Variants in PKHD1 observed in about 807,000 individuals in gnomAD.
PKHD1 encodes fibrocystin.
Under a neutral mutation model 412.0 loss-of-function variants are expected in PKHD1, and 291 were observed. That is an observed-to-expected ratio of 0.71 (90% CI 0.64 to 0.78). The LOEUF is 0.78. PKHD1 is among the 30% of genes least tolerant of loss of function. PKHD1 has a pLI of 0.00. For synonymous variants in PKHD1, 1,777 were observed against 1,821.5 expected (o/e 0.98, Z 0.62); for missense variants, 4,825 against 4,950.7 (o/e 0.97, Z 0.76).
At chr6:51,941,119 C>T (rs1418026444) in intron 36 of PKHD1, among the ~76,000 whole-genome samples, 2 of 151,268 alleles carry the variant, frequency 1.3e-5, no homozygotes, top group African/African-American at 4.8e-5. Context: ...TGATCATGCA[C>T]CCTTTACCAT....
rs1046218226 is a variant in PKHD1, at chr6:51,789,639, T to C, written c.8440+1597A>G. Among the ~76,000 whole-genome samples, 4 of 152,126 alleles carry C rather than the reference T, an allele frequency of 2.6e-5. No homozygotes were observed. The South Asian group carries it at 6.2e-4, about 24-fold the overall frequency. ...TATTAATTGTGGTTATATTTGCACT[T>C]GGAAATATTTGCACTTGGAAACTTT... On this transcript the variant is annotated intron_variant, in intron 53 of 66. Coordinates refer to ENST00000371117, the MANE Select transcript of PKHD1 (RefSeq NM_138694.4).
chr6:51,638,849 C>G lies in PKHD1; in HGVS notation c.11506G>C (p.Gly3836Arg). ...HFIFTVTSPPGVNFTARSKPF... is the reference protein window; with the variant it reads ...HFIFTVTSPPRVNFTARSKPF... The stretch of plus-strand genomic sequence containing the variant: ...ATAAAAGCACACTGTATAAAATTAC[C>G]TGGAGGAGAAGTGACAGTAAAAATA... The change falls in exon 64 of 67, where the codon GGA becomes CGA. Residue 3836 changes from glycine (G) to arginine (R), a missense_variant and splice_region_variant. Transcript: ENST00000371117. 1 of 1,547,780 alleles carries G rather than the reference C, an allele frequency of 6.5e-7. No homozygotes were observed. The highest frequency in any genetic ancestry group is 2.3e-5 in the East Asian group (1 of 44,380).
chr6:52,058,591 G>A lies in PKHD1; in HGVS notation c.1244C>T (p.Ala415Val). 1 of 1,613,948 alleles carries A rather than the reference G, an allele frequency of 6.2e-7. No individual in the cohort carries two copies. The part of the protein sequence containing the change: ...SEEPRTKVKV[A>V]SISVGTADWF... The stretch of plus-strand genomic sequence containing the variant: ...GTCAGCAGTGCCGACGCTGATGGAG[G>A]CCACTTTCACCTATGCCCAAATAAG... Residue 415 changes from alanine (A) to valine (V), a missense_variant, in exon 16 of 67, where the codon GCC (alanine) becomes GTC (valine). Physicochemically the swap from Ala to Val is moderately conservative, Grantham distance 64. Coordinates refer to ENST00000371117, the MANE Select transcript of PKHD1 (RefSeq NM_138694.4).
At chr6:51,851,695 T>C (rs146580528) in intron 49 of PKHD1, among the ~76,000 whole-genome samples, 1 of 152,236 alleles carries the variant, frequency 6.6e-6, no homozygotes, top group Non-Finnish European at 1.5e-5. Flanking sequence ...TTTATTTGCA[T>C]AGACATGTTT....
intron 53 of PKHD1, among the ~76,000 whole-genome samples, chr6:51,781,923 G>A (rs1004152958): frequency 2.0e-5 from 3 of 150,724 alleles, no homozygotes; most frequent in African/African-American, 7.3e-5. Context: ...AAAACACAAA[G>A]TTTACCTTAA....
At chr6:51,637,950 T>A (rs575371594) in intron 64 of PKHD1, among the ~76,000 whole-genome samples, 1 of 152,204 alleles carries the variant, frequency 6.6e-6, no homozygotes, top group South Asian at 2.1e-4. Flanking sequence ...GGAAAAATGA[T>A]TATGATTACA....
Position 51,870,624 on chromosome 6 carries a change from A to T in PKHD1, c.7366T>A (p.Ser2456Thr). 1 of 1,609,666 alleles carries T rather than the reference A, an allele frequency of 6.2e-7. No individual in the cohort carries two copies. Among genetic ancestry groups the T allele is most frequent in the South Asian group, 1.1e-5 (1 of 90,954 alleles). Residue 2456 changes from serine to threonine, a missense_variant, in exon 47 of 67, where the codon TCA becomes ACA. Ser to Thr is a moderately conservative substitution (Grantham distance 58). Coordinates refer to ENST00000371117, the MANE Select transcript of PKHD1 (RefSeq NM_138694.4). ...CTTTTAGGAGTTTTAATCCCAGATG[A>T]CATACACAGACTTCCCTGTGATTTA... ...HFAHKGSLCM[S>T]SGIKTPKRWE...
intron 52 of PKHD1, among the ~76,000 whole-genome samples, chr6:51,811,803 TA>T (rs1048103436): frequency 2.6e-5 from 4 of 152,146 alleles, no homozygotes; most frequent in African/African-American, 2.4e-5. Context: ...TACACATATT[TA>T]AAAAAATGTA....
chr6:51,997,048 A>G (rs542773481), intron 35 of PKHD1, among the ~76,000 whole-genome samples: 1 of 152,364 alleles, frequency 6.6e-6, no homozygotes, highest in East Asian at 1.9e-4. Flanking sequence ...CTCAAGTTGG[A>G]TCAATGAGTC....
chr6:52,056,689 G>A lies in PKHD1; in HGVS notation c.1693+9C>T, dbSNP rs753648991. 2.3e-5 allele frequency: 37 copies of A among 1,599,980 alleles called. No individual in the cohort carries two copies. The highest frequency in any genetic ancestry group is 1.6e-4 in the Middle Eastern group (1 of 6,068). On this transcript the variant is annotated intron_variant, in intron 18 of 66. Transcript: ENST00000371117. Reference sequence around the variant, plus strand: ...AAAAAGACAATCAGAATGAAGCCACGGACAGCACCTCGTTCAAATCCAAGC... The same window carrying A: ...AAAAAGACAATCAGAATGAAGCCACAGACAGCACCTCGTTCAAATCCAAGC...
In PKHD1 at chr6:51,883,691, A is replaced by G. The variant is rs113468455; in HGVS notation, c.7216-464T>C. On this transcript the variant is annotated intron_variant, in intron 45 of 66. Transcript: ENST00000371117. ...ATTTCAACATAAGTTATGTACATAT[A>G]TGTTTATGATAACCCAAACAGGGGT... 7.1e-3 allele frequency among the ~76,000 whole-genome samples: 1,082 copies of G among 152,342 alleles called. 16 individuals carry two copies. Among genetic ancestry groups the G allele is most frequent in the African/African-American group, 0.025 (1,034 of 41,576 alleles).
chr6:52,022,786 G>A lies in PKHD1; in HGVS notation c.5380+15C>T. The A allele has an allele frequency of 1.9e-6, 3 of 1,612,478 alleles. No homozygotes were observed. Among genetic ancestry groups the A allele is most frequent in the Non-Finnish European group, 2.5e-6 (3 of 1,178,694 alleles). On this transcript the variant is annotated intron_variant, in intron 33 of 66. Coordinates refer to ENST00000371117, the MANE Select transcript of PKHD1 (RefSeq NM_138694.4). ...TATATGCTTTAAAATATATGTGTGT[G>A]GCATCTTTACTCACCATCCAGGGGC...
chr6:51,925,898 T>G (rs536368294), intron 37 of PKHD1, among the ~76,000 whole-genome samples: 50 of 152,130 alleles, frequency 3.3e-4, no homozygotes, highest in African/African-American at 1.1e-3. Flanking sequence ...TTGCTCAAGT[T>G]TTTCATTCAC....
chr6:51,975,844 C>A (rs1451572981), intron 35 of PKHD1: 1 of 151,138 alleles, frequency 6.6e-6, no homozygotes, highest in Non-Finnish European at 1.5e-5. Context: ...GATGAATCGA[C>A]CCAGGTTGGA....
intron 53 of PKHD1, among the ~76,000 whole-genome samples, chr6:51,789,829 C>T (rs1040626323): frequency 1.3e-5 from 2 of 152,034 alleles, no homozygotes; most frequent in African/African-American, 4.8e-5. Context: ...GAATGAAGGG[C>T]TATAGAATTA....
intron 52 of PKHD1, among the ~76,000 whole-genome samples, chr6:51,818,016 T>C (rs1187969425): frequency 6.6e-6 from 1 of 152,166 alleles, no homozygotes; most frequent in African/African-American, 2.4e-5. Context: ...AGCAATGTTT[T>C]TTATCCAGAC....
intron 52 of PKHD1, among the ~76,000 whole-genome samples, chr6:51,804,378 A>T (rs1475338594): frequency 1.7e-5 from 2 of 115,544 alleles, no homozygotes; most frequent in African/African-American, 3.3e-5. Flanking sequence ...GGGGGGCGGT[A>T]ACAGGAGAAA....
At chr6:51,832,158 T>C (rs747445105) in intron 51 of PKHD1, among the ~76,000 whole-genome samples, 22 of 152,090 alleles carry the variant, frequency 1.4e-4, no homozygotes, top group Non-Finnish European at 2.5e-4. Flanking sequence ...ATATCAGTAT[T>C]AGGAGGATAA....
intron 64 of PKHD1, among the ~76,000 whole-genome samples, chr6:51,638,259 G>T (rs1330602897): frequency 6.6e-6 from 1 of 152,068 alleles, no homozygotes; most frequent in Admixed American, 6.6e-5. Context: ...CTTTTAATTA[G>T]TTTTCTTATC....
Sources: gnomAD v4.1 joint callset for allele counts (sites outside exome capture counted in the v4.1 genomes callset) on GRCh38, gnomAD v4.1.1 for gene constraint, MANE v1.5 for transcripts, NCBI Gene and HGNC (gene_info 2026-07-23, HGNC 2026-07-21) for gene names.